Variants in FAM193A observed in about 807,000 individuals in gnomAD.
FAM193A encodes protein FAM193A.
In FAM193A, 22 loss-of-function variants were observed where a neutral mutation model predicts 126.5. That is an observed-to-expected ratio of 0.17 (90% CI 0.12 to 0.25). FAM193A has a LOEUF of 0.25. Ranked by LOEUF, FAM193A falls within the 10% of genes least tolerant of loss-of-function variation. FAM193A has a pLI of 1.00. For synonymous variants in FAM193A, 761 were observed against 646.8 expected (o/e 1.18, Z -2.68); for missense variants, 1,675 against 1,672.8 (o/e 1.00, Z -0.02).
intron 1 of FAM193A, among the ~76,000 whole-genome samples, chr4:2,550,132 G>T (rs1168754942): frequency 6.6e-6 from 1 of 151,080 alleles, no homozygotes; most frequent in Non-Finnish European, 1.5e-5. Flanking sequence ...TGCCACCTGA[G>T]TTCATGTGAT....
At chr4:2,569,399 G>A (rs1739162161) in intron 1 of FAM193A, among the ~76,000 whole-genome samples, 1 of 152,148 alleles carries the variant, frequency 6.6e-6, no homozygotes, top group African/African-American at 2.4e-5. Context: ...TAATACAAAA[G>A]CAGCCCAAAG....
chr4:2,722,511 T>G (rs1720273937), intron 20 of FAM193A, among the ~76,000 whole-genome samples: 2 of 152,132 alleles, frequency 1.3e-5, no homozygotes, highest in Admixed American at 1.3e-4. Flanking sequence ...GGGTCACACA[T>G]GCACTAATGG....
At chr4:2,547,842 C>G (rs1425743677) in intron 1 of FAM193A, among the ~76,000 whole-genome samples, 1 of 151,324 alleles carries the variant, frequency 6.6e-6, no homozygotes, top group Non-Finnish European at 1.5e-5. Context: ...CCAGGCTGGT[C>G]TCGAACTCTT....
intron 8 of FAM193A, among the ~76,000 whole-genome samples, chr4:2,658,749 T>TTTG (rs145773943): frequency 0.012 from 1,883 of 151,918 alleles, 32 homozygotes; most frequent in African/African-American, 0.043. Flanking sequence ...TCCCTGTGCT[T>TTTG]TTGTTGTTGT....
At chr4:2,598,418 C>T (rs1326511925) in intron 2 of FAM193A, among the ~76,000 whole-genome samples, 2 of 152,124 alleles carry the variant, frequency 1.3e-5, no homozygotes, top group African/African-American at 2.4e-5. Context: ...CTGCTATGAA[C>T]ATTATTTTTC....
At chr4:2,608,182 T>G (rs1741654381) in intron 2 of FAM193A, 33 of 1,525,788 alleles carry the variant, frequency 2.2e-5, no homozygotes, top group Middle Eastern at 4.7e-4. Flanking sequence ...CAAGAGGACT[T>G]CATTTTTCTT....
intron 1 of FAM193A, among the ~76,000 whole-genome samples, chr4:2,537,697 A>G (rs973092530): frequency 5.3e-5 from 8 of 152,182 alleles, no homozygotes; most frequent in African/African-American, 1.7e-4. Context: ...CGTGCGCGTG[A>G]TGATTGAGAA....
chr4:2,656,671 A>G lies in FAM193A; in HGVS notation c.1312-1132A>G, dbSNP rs182469436. Reference sequence around the variant, plus strand: ...TAGGGGCAGTCCCCACTTGGGTCCAACAGTCTTCACAGGGCCACCAGAGCT... The same window carrying G: ...TAGGGGCAGTCCCCACTTGGGTCCAGCAGTCTTCACAGGGCCACCAGAGCT... On this transcript the variant is annotated intron_variant, in intron 7 of 20. Transcript: ENST00000637812. Among the ~76,000 whole-genome samples the G allele has an allele frequency of 5.3e-5, 8 of 152,326 alleles. No homozygotes were observed. In the East Asian group the frequency reaches 1.2e-3, roughly 22 times the overall value.
At chr4:2,720,722 A>G (rs1720044119) in intron 20 of FAM193A, among the ~76,000 whole-genome samples, 1 of 152,194 alleles carries the variant, frequency 6.6e-6, no homozygotes, top group Admixed American at 6.5e-5. Flanking sequence ...TCAAAAGAGC[A>G]TTTATAATAG....
intron 1 of FAM193A, among the ~76,000 whole-genome samples, chr4:2,581,748 G>A (rs1739953349): frequency 6.6e-6 from 1 of 151,780 alleles, no homozygotes; most frequent in African/African-American, 2.4e-5. Flanking sequence ...CCGTTTCCTG[G>A]GTTCACACCA....
chr4:2,594,931 C>T (rs1447492041), intron 1 of FAM193A, among the ~76,000 whole-genome samples: 1 of 136,050 alleles, frequency 7.4e-6, no homozygotes, highest in East Asian at 2.6e-4. Context: ...CAGGTTCAAA[C>T]GATTCTCCTG....
rs552010614 is a variant in FAM193A, at chr4:2,617,987, G to T, written c.502-7275G>T. On this transcript the variant is annotated intron_variant, in intron 2 of 20. Transcript: ENST00000637812. ...TTAACATTTCCTGTAGGCCAGGGTA[G>T]CTTCTGTTTGAAATCTTTTTTGCCT... Among the ~76,000 whole-genome samples, 9 of 152,276 alleles carry T rather than the reference G, an allele frequency of 5.9e-5. No individual in the cohort carries two copies. In the South Asian group the frequency reaches 1.7e-3, roughly 28 times the overall value.
intron 14 of FAM193A, among the ~76,000 whole-genome samples, 185 bp downstream of exon 14, chr4:2,689,889 C>G (rs1716165582): frequency 6.6e-6 from 1 of 152,210 alleles, no homozygotes; most frequent in Non-Finnish European, 1.5e-5. Flanking sequence ...TGCCACCAGT[C>G]GGTCCCACTG....
Position 2,700,244 on chromosome 4 carries a change from C to G in FAM193A, c.4072C>G (p.Pro1358Ala), listed in dbSNP as rs370355206. 1.9e-6 allele frequency: 3 copies of G among 1,613,898 alleles called. No individual in the cohort carries two copies. Among genetic ancestry groups the G allele is most frequent in the Non-Finnish European group, 2.5e-6 (3 of 1,180,032 alleles). ...SEPARRPTEP[P>A]KATEGQSKPR... is the part of the protein sequence containing the mutation. ...GCCAGCGAGGAGGCCCACAGAGCCC[C>G]CCAAGGCCACAGAGGGGCAGTCCAA... The change falls in exon 19 of 21, where the codon CCC (proline) becomes GCC (alanine). Residue 1358 changes from proline to alanine, a missense_variant. Physicochemically the swap from Pro to Ala is conservative, Grantham distance 27. Coordinates refer to ENST00000637812, the MANE Select transcript of FAM193A (RefSeq NM_001366318.2).
chr4:2,643,652 T>TA, intron 6 of FAM193A, among the ~76,000 whole-genome samples: 1 of 152,184 alleles, frequency 6.6e-6, no homozygotes, highest in East Asian at 1.9e-4. Context: ...TTTTTTGTCT[T>TA]AAAATGTATC....
intron 19 of FAM193A, among the ~76,000 whole-genome samples, chr4:2,703,912 C>T (rs1337103539): frequency 1.3e-5 from 2 of 151,354 alleles, no homozygotes; most frequent in African/African-American, 2.4e-5. Context: ...TTTGAGGCTG[C>T]GGTGTGTCAT....
intron 7 of FAM193A, among the ~76,000 whole-genome samples, chr4:2,656,244 A>C (rs1385712261): frequency 1.3e-5 from 2 of 152,200 alleles, no homozygotes; most frequent in East Asian, 3.8e-4. Context: ...TGTCCCATGA[A>C]GGGTTTGATA....
intron 20 of FAM193A, among the ~76,000 whole-genome samples, chr4:2,724,373 C>G (rs973299536): frequency 6.6e-6 from 1 of 152,134 alleles, no homozygotes; most frequent in Non-Finnish European, 1.5e-5. Context: ...AAAACCACAT[C>G]CTCATGTTTT....
intron 13 of FAM193A, among the ~76,000 whole-genome samples, chr4:2,683,295 T>C (rs150845032): frequency 1.3e-5 from 2 of 151,692 alleles, no homozygotes; most frequent in Admixed American, 1.3e-4. Flanking sequence ...TTTTTTTTTT[T>C]TTTGTTTTTT....
Sources: allele counts gnomAD v4.1 joint callset (sites outside exome capture counted in the v4.1 genomes callset), GRCh38; gene constraint gnomAD v4.1.1; transcripts MANE v1.5; gene names NCBI Gene and HGNC (gene_info 2026-07-23, HGNC 2026-07-21).